Variants in DLC1 observed in about 807,000 individuals in gnomAD.
The protein encoded by DLC1 is DLC1 Rho GTPase activating protein.
DLC1 carries 54 observed loss-of-function variants against 140.3 expected under a neutral mutation model. That is an observed-to-expected ratio of 0.38 (90% CI 0.31 to 0.48). The LOEUF (loss-of-function observed/expected upper bound fraction) is 0.48. Among genes scored for constraint, DLC1 ranks in the 20% least tolerant of loss-of-function variants. The pLI, the probability that DLC1 is intolerant of heterozygous loss-of-function variation, is 0.96. For synonymous variants in DLC1, 986 were observed against 728.1 expected (o/e 1.35, Z -5.70); for missense variants, 2,536 against 1,907.0 (o/e 1.33, Z -6.14).
At chr8:13,176,221 G>T (rs1825750560) in intron 5 of DLC1, among the ~76,000 whole-genome samples, 1 of 152,018 alleles carries the variant, frequency 6.6e-6, no homozygotes, top group Non-Finnish European at 1.5e-5. Flanking sequence ...ATTTCCTCTA[G>T]GGAAAAGAAA....
At position 13,499,406 on chromosome 8, in the gene DLC1, C is replaced by A. The variant is rs954964043; in HGVS notation, c.666G>T (p.Glu222Asp). The change falls in exon 2 of 18, where the codon GAG (glutamate) becomes GAT (aspartate). Residue 222 changes from glutamate (E) to aspartate (D), a missense_variant. By Grantham distance (45) the Glu-to-Asp change is conservative. Transcript: ENST00000276297. ...DTLNVKDIAPEKQLLNSAVIA... is the reference protein window; with the variant it reads ...DTLNVKDIAPDKQLLNSAVIA... ...TTACAGCAGAGTTAAGCAATTGTTT[C>A]TCAGGTGCAATATCTTTCACGTTCA... The A allele has an allele frequency of 6.2e-7, 1 of 1,613,648 alleles. No individual in the cohort carries two copies. The highest frequency in any genetic ancestry group is 8.5e-7 in the Non-Finnish European group (1 of 1,179,948).
At chr8:13,251,471 G>T (rs1830001355) in intron 5 of DLC1, among the ~76,000 whole-genome samples, 1 of 152,064 alleles carries the variant, frequency 6.6e-6, no homozygotes, top group Non-Finnish European at 1.5e-5. Flanking sequence ...TATAAAGTCT[G>T]TAAAAATTAT....
intron 2 of DLC1, among the ~76,000 whole-genome samples, chr8:13,443,680 A>G (rs1181353286): frequency 1.3e-5 from 2 of 151,836 alleles, no homozygotes; most frequent in African/African-American, 4.8e-5. Flanking sequence ...AAAAAAGAAA[A>G]AGAAAAAAAC....
intron 2 of DLC1, among the ~76,000 whole-genome samples, chr8:13,447,440 C>G (rs1798829261): frequency 6.6e-6 from 1 of 152,102 alleles, no homozygotes; most frequent in Non-Finnish European, 1.5e-5. Flanking sequence ...ACTTGCTTTG[C>G]CACACATTAT....
chr8:13,216,823 C>A (rs1362009902), intron 5 of DLC1, among the ~76,000 whole-genome samples: 2 of 152,118 alleles, frequency 1.3e-5, no homozygotes, highest in African/African-American at 4.8e-5. Context: ...TCAAAAATAT[C>A]TCTAGACATT....
At chr8:13,106,467 C>CCTCCCAAGT (rs2128942967) in intron 7 of DLC1, among the ~76,000 whole-genome samples, 1 of 152,284 alleles carries the variant, frequency 6.6e-6, no homozygotes, top group South Asian at 2.1e-4. Context: ...CCCGCCTCAG[C>CCTCCCAAGT]CTCCCAAGTA....
chr8:13,124,205 CAT>C (rs1821362461), intron 5 of DLC1, among the ~76,000 whole-genome samples: 4 of 152,272 alleles, frequency 2.6e-5, no homozygotes, highest in Middle Eastern at 3.4e-3. Context: ...ATAGGAAAGA[CAT>C]GTGTGACATC....
intron 5 of DLC1, among the ~76,000 whole-genome samples, chr8:13,237,801 G>A (rs1829358464): frequency 6.6e-6 from 1 of 151,904 alleles, no homozygotes. Context: ...AATGTTTGTG[G>A]TATCTCCAGA....
intron 5 of DLC1, among the ~76,000 whole-genome samples, chr8:13,180,223 G>A (rs569915620): frequency 6.6e-6 from 1 of 152,188 alleles, no homozygotes; most frequent in South Asian, 2.1e-4. Context: ...CTTCCATTGT[G>A]TTTCGTCTTT....
At chr8:13,430,152 C>T (rs1227268897) in intron 2 of DLC1, among the ~76,000 whole-genome samples, 2 of 152,222 alleles carry the variant, frequency 1.3e-5, no homozygotes, top group South Asian at 2.1e-4. Context: ...GCCAAGGTTC[C>T]TGCTTAGATC....
intron 4 of DLC1, among the ~76,000 whole-genome samples, chr8:13,314,235 A>G (rs1832783427): frequency 3.4e-5 from 2 of 57,972 alleles, no homozygotes; most frequent in Admixed American, 1.9e-4. Context: ...TTACACATAT[A>G]TTTATAATAT....
At chr8:13,553,429 G>GT (rs1282966613) in intron 1 of DLC1, among the ~76,000 whole-genome samples, 5 of 150,448 alleles carry the variant, frequency 3.3e-5, no homozygotes, top group African/African-American at 1.2e-4. Flanking sequence ...CCAGCATAAT[G>GT]TTTTTTTCTT....
At chr8:13,407,911 A>G (rs1837635271) in intron 2 of DLC1, among the ~76,000 whole-genome samples, 1 of 152,198 alleles carries the variant, frequency 6.6e-6, no homozygotes, top group Non-Finnish European at 1.5e-5. Flanking sequence ...TATATGTTTC[A>G]TTTGACAATA....
intron 5 of DLC1, among the ~76,000 whole-genome samples, chr8:13,137,475 G>A (rs1254818250): frequency 6.6e-6 from 1 of 151,988 alleles, no homozygotes. Flanking sequence ...TGTTATATGG[G>A]GGTGTTGTTA....
At chr8:13,159,898 G>A (rs1824551326) in intron 5 of DLC1, among the ~76,000 whole-genome samples, 1 of 151,488 alleles carries the variant, frequency 6.6e-6, no homozygotes, top group Admixed American at 6.6e-5. Flanking sequence ...GGAGGCTCAA[G>A]TCTGTAATCC....
At chr8:13,531,387 A>G (rs1254641863) in intron 1 of DLC1, among the ~76,000 whole-genome samples, 4 of 152,156 alleles carry the variant, frequency 2.6e-5, no homozygotes, top group African/African-American at 7.2e-5. Flanking sequence ...GGAGTTCAAG[A>G]CCAGCCTGGC....
At chr8:13,161,736 C>T (rs539566698) in intron 5 of DLC1, among the ~76,000 whole-genome samples, 6 of 152,134 alleles carry the variant, frequency 3.9e-5, no homozygotes, top group Admixed American at 2.6e-4. Flanking sequence ...TTGGAGAGAA[C>T]GCTTCCTTGT....
intron 5 of DLC1, among the ~76,000 whole-genome samples, chr8:13,173,304 C>G (rs1246246312): frequency 1.3e-5 from 2 of 149,122 alleles, no homozygotes; most frequent in Non-Finnish European, 3.0e-5. Context: ...CGAGAGCAGT[C>G]TAATTATTTA....
At chr8:13,468,322 TC>T (rs1800037659) in intron 2 of DLC1, among the ~76,000 whole-genome samples, 1 of 113,090 alleles carries the variant, frequency 8.8e-6, no homozygotes, top group Admixed American at 9.4e-5. Context: ...CTTTTCTCTC[TC>T]TTTCCCTTCC....
Sources: gnomAD v4.1 joint callset for allele counts (sites outside exome capture counted in the v4.1 genomes callset) on GRCh38, gnomAD v4.1.1 for gene constraint, MANE v1.5 for transcripts, NCBI Gene and HGNC (gene_info 2026-07-23, HGNC 2026-07-21) for gene names.